Variants in MAML3 observed in about 807,000 individuals in gnomAD.
The protein encoded by MAML3 is mastermind-like protein 3.
A neutral mutation model predicts 101.9 loss-of-function variants in MAML3; 27 were observed. The observed-to-expected ratio is 0.27, with a 90% CI of 0.20 to 0.37. The LOEUF is 0.37. Among genes scored for constraint, MAML3 ranks in the 10% least tolerant of loss-of-function variants. The probability of loss-of-function intolerance (pLI) is 1.00; values close to 1 mark genes in which losing one functional copy is unlikely to be tolerated. For synonymous variants in MAML3, 501 were observed against 555.9 expected (o/e 0.90, Z 1.39); for missense variants, 1,316 against 1,444.9 (o/e 0.91, Z 1.45).
rs549295140 is a variant in MAML3 at position 139,935,772 on chromosome 4, A to G, written c.469-44805T>C. ...AGCATAATTGGCATATAAAAATTGT[A>G]TACATTTAAGGTGCACAACATGATG... On this transcript the variant is annotated intron_variant, in intron 1 of 4. Transcript: ENST00000509479. Among the ~76,000 whole-genome samples the G allele has an allele frequency of 2.6e-4, 40 of 152,068 alleles. No individual in the cohort carries two copies. In the South Asian group the frequency reaches 8.1e-3, roughly 31 times the overall value.
chr4:140,132,379 G>T (rs142160408), intron 1 of MAML3, among the ~76,000 whole-genome samples: 147 of 152,272 alleles, frequency 9.7e-4, no homozygotes, highest in African/African-American at 3.5e-3. Context: ...CATAGACAAA[G>T]AAAGGAAAAA....
At chr4:139,821,803 A>C (rs1730978182) in intron 2 of MAML3, among the ~76,000 whole-genome samples, 1 of 152,258 alleles carries the variant, frequency 6.6e-6, no homozygotes, top group East Asian at 1.9e-4. Context: ...AATAGTGCCC[A>C]TATTCAAAAG....
At chr4:139,815,885 A>ACC (rs1241355077) in intron 2 of MAML3, among the ~76,000 whole-genome samples, 1 of 152,164 alleles carries the variant, frequency 6.6e-6, no homozygotes, top group African/African-American at 2.4e-5. Context: ...CAGCAACAAT[A>ACC]CGGACGACGA....
At chr4:139,774,950 C>T (rs773906091) in intron 2 of MAML3, among the ~76,000 whole-genome samples, 3 of 152,184 alleles carry the variant, frequency 2.0e-5, no homozygotes, top group Non-Finnish European at 4.4e-5. Context: ...TTGATAGCTA[C>T]ACCTGGGATG....
rs374222444 is a variant in MAML3 at position 140,099,410 on chromosome 4, GT to G, written c.468+53449del. On this transcript the variant is annotated intron_variant, in intron 1 of 4. Transcript: ENST00000509479. ...CTTTTTTTTCTTTCTTTCTGTCTTT[GT>G]TTTTAGAGACAGGGTCTCACTCTGC... is the stretch of plus-strand genomic sequence containing the variant. 5.1e-3 allele frequency among the ~76,000 whole-genome samples: 782 copies of G among 152,002 alleles called. 6 individuals carry two copies. Among genetic ancestry groups the G allele is most frequent in the African/African-American group, 0.017 (707 of 41,458 alleles).
At chr4:139,771,608 C>T (rs779346693) in intron 2 of MAML3, among the ~76,000 whole-genome samples, 61 of 152,218 alleles carry the variant, frequency 4.0e-4, no homozygotes, top group Non-Finnish European at 8.4e-4. Flanking sequence ...TTATACACTG[C>T]TCCTCTAGAG....
intron 1 of MAML3, among the ~76,000 whole-genome samples, chr4:139,981,746 G>A (rs1376100653): frequency 6.6e-6 from 1 of 152,160 alleles, no homozygotes; most frequent in East Asian, 1.9e-4. Context: ...CCAGTTTGGA[G>A]AGGATGGGCC....
At chr4:139,790,989 A>T (rs1001138911) in intron 2 of MAML3, among the ~76,000 whole-genome samples, 15 of 152,244 alleles carry the variant, frequency 9.9e-5, no homozygotes. Flanking sequence ...TCATTTAAAG[A>T]GACCAGATTA....
chr4:140,029,558 T>C (rs1261371910), intron 1 of MAML3, among the ~76,000 whole-genome samples: 6 of 152,166 alleles, frequency 3.9e-5, no homozygotes, highest in Non-Finnish European at 8.8e-5. Flanking sequence ...TTTTTTAAAA[T>C]AGGGAAAATT....
intron 2 of MAML3, among the ~76,000 whole-genome samples, chr4:139,844,479 T>C (rs949506273): frequency 5.9e-5 from 9 of 152,328 alleles, no homozygotes; most frequent in African/African-American, 2.2e-4. Flanking sequence ...AAGCAAGGCA[T>C]CCTACTTCAC....
chr4:139,759,170 A>T (rs1176048854), intron 2 of MAML3, among the ~76,000 whole-genome samples: 43 of 152,218 alleles, frequency 2.8e-4, no homozygotes, highest in Non-Finnish European at 1.5e-5. Flanking sequence ...AAATGTGTCC[A>T]GATAAAACTC....
intron 2 of MAML3, among the ~76,000 whole-genome samples, chr4:139,834,788 AACCACGGAGATG>A (rs1355132262): frequency 2.0e-5 from 3 of 152,208 alleles, no homozygotes; most frequent in African/African-American, 4.8e-5. Context: ...ACTCTGTATC[AACCACGGAGATG>A]TCATAAAATT....
chr4:140,016,791 C>T (rs1210153030), intron 1 of MAML3, among the ~76,000 whole-genome samples: 1 of 152,208 alleles, frequency 6.6e-6, no homozygotes, highest in African/African-American at 2.4e-5. Context: ...CTAAACCTCA[C>T]ACCTTATACA....
At chr4:139,772,023 A>T (rs1012344159) in intron 2 of MAML3, among the ~76,000 whole-genome samples, 26 of 150,970 alleles carry the variant, frequency 1.7e-4, no homozygotes, top group African/African-American at 5.8e-4. Flanking sequence ...GCGGATCACG[A>T]GGTCAGCAGA....
intron 2 of MAML3, among the ~76,000 whole-genome samples, chr4:139,783,261 T>C (rs1730247975): frequency 6.6e-6 from 1 of 152,222 alleles, no homozygotes. Flanking sequence ...ACCAGGCAGA[T>C]GGCTAATTTC....
intron 1 of MAML3, among the ~76,000 whole-genome samples, chr4:139,989,432 G>T (rs1734616884): frequency 6.6e-6 from 1 of 152,090 alleles, no homozygotes; most frequent in Non-Finnish European, 1.5e-5. Flanking sequence ...GCTGCCTTCT[G>T]CCTGATCTTC....
intron 2 of MAML3, among the ~76,000 whole-genome samples, chr4:139,876,602 T>C (rs1026014047): frequency 6.6e-6 from 1 of 152,232 alleles, no homozygotes; most frequent in Non-Finnish European, 1.5e-5. Context: ...GAGCACACTT[T>C]GGCACTCTGT....
chr4:139,807,645 T>C (rs769508944), intron 2 of MAML3, among the ~76,000 whole-genome samples: 2 of 152,222 alleles, frequency 1.3e-5, no homozygotes, highest in Non-Finnish European at 2.9e-5. Context: ...AAGAGCCTTG[T>C]GGTGGAAAAC....
At chr4:140,050,892 C>T (rs140684924) in intron 1 of MAML3, among the ~76,000 whole-genome samples, 2,390 of 152,296 alleles carry the variant, frequency 0.016, 39 homozygotes, top group Middle Eastern at 0.024. Flanking sequence ...GAAAGTTTTA[C>T]TCAGTATCCA....
Sources: allele counts gnomAD v4.1 joint callset (sites outside exome capture counted in the v4.1 genomes callset), GRCh38; gene constraint gnomAD v4.1.1; transcripts MANE v1.5; gene names NCBI Gene and HGNC (gene_info 2026-07-23, HGNC 2026-07-21).